PLIN2: variants seen among roughly 807,000 people sequenced by gnomAD.
The protein encoded by PLIN2 is perilipin-2.
In PLIN2, 33 loss-of-function variants were observed where a neutral mutation model predicts 30.6. The observed-to-expected ratio is 1.08, with a 90% CI of 0.82 to 1.44. The LOEUF is 1.44. PLIN2 is among the 40% of genes most tolerant of loss of function. PLIN2 has a pLI of 0.00. For synonymous variants in PLIN2, 205 were observed against 201.1 expected (o/e 1.02, Z -0.16); for missense variants, 610 against 531.8 (o/e 1.15, Z -1.45).
chr9:19,119,566 C>G, intron 6 of PLIN2, 84 bp downstream of exon 6: 1 of 804,802 alleles, frequency 1.2e-6, no homozygotes. Context: ...GAATGAAATT[C>G]TTGGATTTTG....
intron 3 of PLIN2, 175 bp downstream of exon 3, chr9:19,125,939 G>GAAAGA: frequency 9.4e-6 from 5 of 529,256 alleles, no homozygotes; most frequent in African/African-American, 1.9e-5. Context: ...AAAAAAAAAG[G>GAAAGA]AAAGAAAAGA....
At chr9:19,115,475 T>C (rs1818207364), downstream of PLIN2, among the ~76,000 whole-genome samples, 2 of 151,984 alleles carry the variant, frequency 1.3e-5, no homozygotes, top group South Asian at 2.1e-4. Flanking sequence ...GCCCGGCTAA[T>C]TTTTTGTATT....
In PLIN2 at chr9:19,116,607, G is replaced by C. The variant is rs1339551820; in HGVS notation, c.955C>G (p.Gln319Glu). ...GTGTGGCACGTGGTCTGGAGCTGCT[G>C]AGTCAGGTTGCGGGCAATTGCAAGA... Reference protein sequence around the residue: ...RTLAIARNLTQQLQTTCHTLL... With the variant: ...RTLAIARNLTEQLQTTCHTLL... Residue 319 changes from glutamine to glutamate, a missense_variant, in exon 8 of 8, where the codon CAG becomes GAG. Gln to Glu is a conservative substitution (Grantham distance 29). Transcript: ENST00000276914. 1 of 1,614,002 alleles carries C rather than the reference G, an allele frequency of 6.2e-7. No individual in the cohort carries two copies. The highest frequency in any genetic ancestry group is 8.5e-7 in the Non-Finnish European group (1 of 1,179,890).
At position 19,124,017 on chromosome 9, in the gene PLIN2, C is replaced by CAAAA. The variant is rs60330286; in HGVS notation, c.227-374_227-371dup. Among the ~76,000 whole-genome samples the CAAAA allele has an allele frequency of 6.6e-5, 8 of 121,896 alleles. 1 individual carries two copies. Among genetic ancestry groups the CAAAA allele is most frequent in the Admixed American group, 1.7e-4 (2 of 11,576 alleles). 80.0% of individuals were successfully genotyped at this position (121,896 alleles called of 152,430 possible). A position where few individuals can be genotyped will look rare whatever the true frequency, so the allele number is the denominator to read the frequency against. ...TGGGTGACAGAGCAAGACTCCATCT[C>CAAAA]AAAAAAAAAAAAAAAGGCAAGAATG... On this transcript the variant is annotated intron_variant, in intron 3 of 7. Coordinates refer to ENST00000276914, the MANE Select transcript of PLIN2 (RefSeq NM_001122.4).
rs1818224867 is a variant in PLIN2, at chr9:19,116,436, C to G, written c.1126G>C (p.Gly376Arg). The change falls in exon 8 of 8, where the codon GGG (glycine) becomes CGG (arginine). Residue 376 changes from glycine (G) to arginine (R), a missense_variant. Coordinates refer to ENST00000276914, the MANE Select transcript of PLIN2 (RefSeq NM_001122.4). ...GATTCCTTCATTTTCTGCAGCTGCC[C>G]CTTGCTAGAAGTGAGGAGGCTGTCA... is the stretch of plus-strand genomic sequence containing the variant. ...VSDSLLTSSK[G>R]QLQKMKESLD... 1.2e-6 allele frequency: 2 copies of G among 1,614,018 alleles called. No individual in the cohort carries two copies. Among genetic ancestry groups the G allele is most frequent in the African/African-American group, 2.7e-5 (2 of 74,900 alleles).
In PLIN2 at chr9:19,126,115, T is replaced by C. The variant is rs776105450; in HGVS notation, c.225A>G (p.Gln75=). ...GCATCTTGAAAAATCAGAACTCACTTTGCGGCTCTAGCTTCTGGATGATGG... is the reference window on the plus strand; with the variant it reads ...GCATCTTGAAAAATCAGAACTCACTCTGCGGCTCTAGCTTCTGGATGATGG... ...ALPIIQKLEP[Q]IAVANTYACK... Residue 75 remains glutamine, a splice_region_variant and synonymous_variant, in exon 3 of 8, where the codon CAA becomes CAG. Coordinates refer to ENST00000276914, the MANE Select transcript of PLIN2 (RefSeq NM_001122.4). 5.0e-6 allele frequency: 8 copies of C among 1,612,984 alleles called. No individual in the cohort carries two copies. Among genetic ancestry groups the C allele is most frequent in the Non-Finnish European group, 6.8e-6 (8 of 1,179,230 alleles).
chr9:19,108,777 C>T (rs912154675), intron 2 of PLIN2: 1 of 152,582 alleles, frequency 6.6e-6, no homozygotes, highest in African/African-American at 2.4e-5. Context: ...GATATTGAAA[C>T]AAACACCGAT....
At chr9:19,126,351 AAC>A (rs1305538417) in intron 2 of PLIN2, 42 bp from the exon 3 acceptor site, 2 of 1,613,520 alleles carry the variant, frequency 1.2e-6, no homozygotes, top group Admixed American at 3.3e-5. Context: ...AATCTCTCAA[AAC>A]ACAAAAGGAG....
intron 2 of PLIN2, among the ~76,000 whole-genome samples, chr9:19,109,227 T>C (rs1346306032): frequency 6.6e-6 from 1 of 152,082 alleles, no homozygotes. Flanking sequence ...TTCGATAAGC[T>C]AGGTAATGTT....
At chr9:19,111,288 A>G (rs1818155457), downstream of PLIN2, among the ~76,000 whole-genome samples, 2 of 151,932 alleles carry the variant, frequency 1.3e-5, no homozygotes. Flanking sequence ...GCCTCAAGTG[A>G]TCTGCCGACT....
rs753621903 is a variant in PLIN2, at chr9:19,121,066, C to T, written c.409G>A (p.Val137Met). Reference protein sequence around the residue: ...KDSVASTITGVMDKTKGAVTG... With the variant: ...KDSVASTITGMMDKTKGAVTG... ...ACTGCCCCTTTGGTCTTGTCCATCA[C>T]CCCTGTGATCGTGCTGGCCACAGAA... The change falls in exon 5 of 8, where the codon GTG becomes ATG. Residue 137 changes from valine (V) to methionine (M), a missense_variant. Transcript: ENST00000276914. The T allele has an allele frequency of 9.9e-6, 16 of 1,614,210 alleles. No homozygotes were observed. Among genetic ancestry groups the T allele is most frequent in the Non-Finnish European group, 1.4e-5 (16 of 1,180,028 alleles).
At chr9:19,117,599 A>G (rs1227126605) in intron 7 of PLIN2, among the ~76,000 whole-genome samples, 2 of 150,306 alleles carry the variant, frequency 1.3e-5, no homozygotes, top group African/African-American at 4.9e-5. Context: ...AGGCTGCCTG[A>G]GATAGTCTTC....
chr9:19,125,882 C>A, intron 3 of PLIN2: 2 of 406,644 alleles, frequency 4.9e-6, no homozygotes, highest in Non-Finnish European at 8.8e-6. Context: ...AAGACTGCGC[C>A]ACTGAACTCC....
intron 4 of PLIN2, among the ~76,000 whole-genome samples, chr9:19,122,469 GC>G (rs1818333813): frequency 6.6e-6 from 1 of 151,520 alleles, no homozygotes; most frequent in South Asian, 2.1e-4. Context: ...TAGCCTAGAA[GC>G]AAGCAACAGG....
chr9:19,111,423 C>T (rs1818158327), downstream of PLIN2, among the ~76,000 whole-genome samples: 1 of 152,136 alleles, frequency 6.6e-6, no homozygotes, highest in Non-Finnish European at 1.5e-5. Context: ...AGGCTGCCTG[C>T]CTCTCACCAC....
At chr9:19,110,976 A>G (rs1437784561), downstream of PLIN2, among the ~76,000 whole-genome samples, 1 of 152,154 alleles carries the variant, frequency 6.6e-6, no homozygotes, top group African/African-American at 2.4e-5. Context: ...ATCTCAGGCA[A>G]TTCTGTCTAC....
intron 6 of PLIN2, 151 bp downstream of exon 6, chr9:19,119,499 C>A (rs1005586539): frequency 1.8e-6 from 1 of 557,660 alleles, no homozygotes; most frequent in African/African-American, 1.9e-5. Flanking sequence ...CTTCCTTTTT[C>A]TGTGAGCTGT....
At position 19,120,904 on chromosome 9, in the gene PLIN2, G is replaced by A. The variant is rs1818303614; in HGVS notation, c.571C>T (p.Leu191Phe). The A allele has an allele frequency of 6.2e-7, 1 of 1,613,822 alleles. No homozygotes were observed. The highest frequency in any genetic ancestry group is 8.5e-7 in the Non-Finnish European group (1 of 1,179,708). The change falls in exon 5 of 8, where the codon CTC (leucine) becomes TTC (phenylalanine). Residue 191 changes from leucine (L) to phenylalanine (F), a missense_variant. Coordinates refer to ENST00000276914, the MANE Select transcript of PLIN2 (RefSeq NM_001122.4). ...CCTAGTTCTTCCTCAGTGAGAGGGA[G>A]GTACTGTTCTACCAACAGCTCTGAT... is the stretch of plus-strand genomic sequence containing the variant. ...TKSELLVEQY[L>F]PLTEEELEKE... is the part of the protein sequence containing the mutation.
intron 4 of PLIN2, among the ~76,000 whole-genome samples, chr9:19,121,654 G>A (rs1030537097): frequency 7.2e-5 from 11 of 152,160 alleles, no homozygotes; most frequent in African/African-American, 2.7e-4. Context: ...ATACATGGCA[G>A]GGCATGGTGG....
Sources: gnomAD v4.1 joint callset for allele counts (sites outside exome capture counted in the v4.1 genomes callset) on GRCh38, gnomAD v4.1.1 for gene constraint, MANE v1.5 for transcripts, NCBI Gene and HGNC (gene_info 2026-07-23, HGNC 2026-07-21) for gene names.